The following TUT4 variants were observed in gnomAD, a reference collection of about 807,000 sequenced individuals.
The protein encoded by TUT4 is terminal uridylyl transferase 4.
TUT4 carries 36 observed loss-of-function variants against 192.2 expected under a neutral mutation model. The ratio of observed to expected loss-of-function variants is 0.19; its 90% CI spans 0.14 to 0.25. The LOEUF is 0.25. Ranked by LOEUF, TUT4 falls within the 10% of genes least tolerant of loss-of-function variation. TUT4 has a pLI of 1.00. For synonymous variants in TUT4, 618 were observed against 666.0 expected (o/e 0.93, Z 1.11); for missense variants, 1,493 against 1,957.2 (o/e 0.76, Z 4.47).
At chr1:52,501,372 T>C (rs1050696880) in intron 4 of TUT4, among the ~76,000 whole-genome samples, 2 of 150,532 alleles carry the variant, frequency 1.3e-5, no homozygotes, top group Non-Finnish European at 3.0e-5. Flanking sequence ...CCACTAATCA[T>C]TAGAGAAATG....
intron 4 of TUT4, among the ~76,000 whole-genome samples, chr1:52,505,005 A>C (rs1195867718): frequency 6.6e-6 from 1 of 152,220 alleles, no homozygotes; most frequent in Non-Finnish European, 1.5e-5. Flanking sequence ...TTGCTTCCAC[A>C]TACTAGCTAT....
chr1:52,522,987 C>CT (rs748149518), intron 2 of TUT4, among the ~76,000 whole-genome samples: 72,134 of 89,706 alleles, frequency 0.8, 30,334 homozygotes, highest in East Asian at 0.88. Context: ...CCTTAACTAT[C>CT]TTTTTTTTTT....
chr1:52,473,702 G>GC (rs1553178842), intron 13 of TUT4, among the ~76,000 whole-genome samples: 6 of 149,922 alleles, frequency 4.0e-5, no homozygotes, highest in Non-Finnish European at 5.9e-5. Flanking sequence ...CTTTCCTTTT[G>GC]TTTTTTTTTA....
Position 52,425,440 on chromosome 1 carries a change from A to G in TUT4, c.4779T>C (p.Leu1593=). ...WEHAPRPHFP[L]VPASWPYGLH... is the part of the protein sequence containing the mutation. Reference sequence around the variant, plus strand: ...AACCATAAGGCCACGAAGCTGGGACAAGGGGGAAATGGGGACGCGGTGCAT... The same window carrying G: ...AACCATAAGGCCACGAAGCTGGGACGAGGGGGAAATGGGGACGCGGTGCAT... Residue 1593 remains leucine, a synonymous_variant, in exon 29 of 30, where the codon CTT becomes CTC. Coordinates refer to ENST00000257177, the MANE Select transcript of TUT4 (RefSeq NM_001009881.3). 6.2e-7 allele frequency: 1 copy of G among 1,614,076 alleles called. No individual in the cohort carries two copies. The highest frequency in any genetic ancestry group is 1.3e-5 in the African/African-American group (1 of 75,050).
chr1:52,461,115 T>C lies in TUT4; in HGVS notation c.3321+19A>G, dbSNP rs770125206. On this transcript the variant is annotated intron_variant, in intron 19 of 29. Transcript: ENST00000257177. The stretch of plus-strand genomic sequence containing the variant: ...TAATTATCATGAACAAAGCAGATCA[T>C]TAATTTTTTCATAAATACCTTAGCA... 17 of 1,537,320 alleles carry C rather than the reference T, an allele frequency of 1.1e-5. No homozygotes were observed. Among genetic ancestry groups the C allele is most frequent in the Admixed American group, 9.7e-5 (5 of 51,624 alleles).
intron 1 of TUT4, among the ~76,000 whole-genome samples, chr1:52,543,268 C>T (rs1237457079): frequency 3.3e-5 from 5 of 151,890 alleles, no homozygotes; most frequent in Non-Finnish European, 5.9e-5. Context: ...AGTCAACACA[C>T]GAAAAACCAG....
At chr1:52,544,725 A>T (rs1292653852) in intron 1 of TUT4, among the ~76,000 whole-genome samples, 3 of 152,210 alleles carry the variant, frequency 2.0e-5, no homozygotes, top group African/African-American at 7.2e-5. Context: ...CTGAAAATTT[A>T]AAACTTTTGT....
chr1:52,544,389 T>C (rs1399460947), intron 1 of TUT4, among the ~76,000 whole-genome samples: 2 of 151,788 alleles, frequency 1.3e-5, no homozygotes, highest in Non-Finnish European at 2.9e-5. Context: ...AACCCTCACA[T>C]ATGTGGTCAA....
chr1:52,474,352 ATTAATC>A (rs1464161294), intron 13 of TUT4, among the ~76,000 whole-genome samples: 1 of 152,194 alleles, frequency 6.6e-6, no homozygotes, highest in African/African-American at 2.4e-5. Flanking sequence ...TTTTTTGACT[ATTAATC>A]TTAGTTTCCC....
chr1:52,477,490 C>A (rs890285621), intron 12 of TUT4, among the ~76,000 whole-genome samples: 2 of 152,120 alleles, frequency 1.3e-5, no homozygotes, highest in Non-Finnish European at 2.9e-5. Context: ...TCCCTTGAAC[C>A]CATGAGTTTG....
intron 1 of TUT4, among the ~76,000 whole-genome samples, chr1:52,545,404 C>T (rs2149724221): frequency 6.7e-6 from 1 of 149,452 alleles, no homozygotes; most frequent in Admixed American, 6.7e-5. Flanking sequence ...AGTAACCCCA[C>T]AGAACAGAAT....
In TUT4 at chr1:52,525,551, A is replaced by G; in HGVS notation, c.718+12T>C. ...CATTAATATACAAAAATCCCTCCAA[A>G]AAATGACTTACTTAAATCGTCCGAT... On this transcript the variant is annotated intron_variant, in intron 2 of 29. Transcript: ENST00000257177. 4 of 1,590,278 alleles carry G rather than the reference A, an allele frequency of 2.5e-6. No individual in the cohort carries two copies. Among genetic ancestry groups the G allele is most frequent in the Non-Finnish European group, 3.4e-6 (4 of 1,168,876 alleles).
chr1:52,535,576 T>C (rs12022581), intron 1 of TUT4, among the ~76,000 whole-genome samples: 13,375 of 152,140 alleles, frequency 0.088, 739 homozygotes, highest in East Asian at 0.2. Context: ...ATATGCATAA[T>C]AGGAGTCACA....
Position 52,423,560 on chromosome 1 carries a change from T to G in TUT4, c.*375A>C, listed in dbSNP as rs1205959242. ...GAAGCAACCAAAGTATGAATACAGC[T>G]AATAGAAAATAAAGAATGTAATTTT... On this transcript the variant is annotated 3_prime_UTR_variant, in exon 30 of 30. Transcript: ENST00000257177. 3.4e-6 allele frequency: 1 copy of G among 293,302 alleles called. No homozygotes were observed. The highest frequency in any genetic ancestry group is 9.2e-5 in the East Asian group (1 of 10,830). 18.2% of individuals were successfully genotyped at this position (293,302 alleles called of 1,614,324 possible).
At chr1:52,444,905 A>G (rs1451994310) in intron 24 of TUT4, among the ~76,000 whole-genome samples, 1 of 130,522 alleles carries the variant, frequency 7.7e-6, no homozygotes, top group Non-Finnish European at 1.6e-5. Context: ...GTGTATATAT[A>G]TATGTATATA....
Position 52,431,232 on chromosome 1 carries a change from G to A in TUT4, c.4492C>T (p.Pro1498Ser). The A allele has an allele frequency of 6.2e-7, 1 of 1,614,164 alleles. No individual in the cohort carries two copies. The highest frequency in any genetic ancestry group is 1.1e-5 in the South Asian group (1 of 91,088). The change falls in exon 28 of 30, where the codon CCT (proline) becomes TCT (serine). Residue 1498 changes from proline (P) to serine (S), a missense_variant. Around this residue, in one of 7 missense-constraint regions of TUT4, gnomAD observed 351 missense variants for 397.8 expected, o/e 0.88. Coordinates refer to ENST00000257177, the MANE Select transcript of TUT4 (RefSeq NM_001009881.3). Reference sequence around the variant, plus strand: ...CAGGACGGGGCAGGGATCTGGAGAGGGTGCATTGGCAACAATCCCATATTG... The same window carrying A: ...CAGGACGGGGCAGGGATCTGGAGAGAGTGCATTGGCAACAATCCCATATTG... ...MHNMGLLPMH[P>S]LQIPAPSWPI...
At chr1:52,537,393 G>T (rs1284408116) in intron 1 of TUT4, among the ~76,000 whole-genome samples, 1 of 152,042 alleles carries the variant, frequency 6.6e-6, no homozygotes, top group Non-Finnish European at 1.5e-5. Context: ...CACAAAGATA[G>T]ATATTATATA....
At chr1:52,493,123 G>A (rs1401734449) in intron 7 of TUT4, among the ~76,000 whole-genome samples, 2 of 152,118 alleles carry the variant, frequency 1.3e-5, no homozygotes, top group East Asian at 1.9e-4. Flanking sequence ...CACTTTTGCC[G>A]CCCAGGCTGG....
intron 11 of TUT4, among the ~76,000 whole-genome samples, chr1:52,481,177 G>T (rs1420875211): frequency 5.9e-4 from 90 of 152,118 alleles, no homozygotes; most frequent in Non-Finnish European, 5.9e-5. Context: ...TTGTCTAGAT[G>T]AAAAATGACA....
Sources: allele counts gnomAD v4.1 joint callset (sites outside exome capture counted in the v4.1 genomes callset), GRCh38; gene constraint gnomAD v4.1.1; regional missense constraint gnomAD v4.1.1; transcripts MANE v1.5; gene names NCBI Gene and HGNC (gene_info 2026-07-23, HGNC 2026-07-21).